The following TAFA1 variants were observed in gnomAD, a reference collection of about 807,000 sequenced individuals.
TAFA1 encodes chemokine-like protein TAFA-1.
TAFA1 carries 4 observed loss-of-function variants against 18.5 expected under a neutral mutation model. The observed-to-expected ratio is 0.22, with a 90% CI of 0.11 to 0.49. The LOEUF (loss-of-function observed/expected upper bound fraction) is 0.49, where lower values mean the gene tolerates loss of function less well. Ranked by LOEUF, TAFA1 falls within the 20% of genes least tolerant of loss-of-function variation. The pLI, the probability that TAFA1 is intolerant of heterozygous loss-of-function variation, is 0.98. For synonymous variants in TAFA1, 56 were observed against 55.2 expected (o/e 1.01, Z -0.06); for missense variants, 147 against 169.0 (o/e 0.87, Z 0.72).
intron 2 of TAFA1, among the ~76,000 whole-genome samples, chr3:68,407,005 G>A (rs1258566205): frequency 6.6e-6 from 1 of 152,102 alleles, no homozygotes; most frequent in Non-Finnish European, 1.5e-5. Flanking sequence ...TCTAGTGGGT[G>A]GGTGTTGAGT....
intron 2 of TAFA1, among the ~76,000 whole-genome samples, chr3:68,273,346 C>T (rs1475138270): frequency 2.0e-5 from 3 of 152,136 alleles, no homozygotes; most frequent in Non-Finnish European, 4.4e-5. Flanking sequence ...AAGGAAGAGG[C>T]CAGATCACAC....
intron 2 of TAFA1, among the ~76,000 whole-genome samples, chr3:68,348,788 A>G (rs188158691): frequency 6.6e-6 from 1 of 152,228 alleles, no homozygotes; most frequent in African/African-American, 2.4e-5. Flanking sequence ...CTCAACATGC[A>G]ATGTAAGAAT....
chr3:68,448,877 C>T (rs2071518971), intron 3 of TAFA1, among the ~76,000 whole-genome samples: 1 of 152,118 alleles, frequency 6.6e-6, no homozygotes, highest in Non-Finnish European at 1.5e-5. Context: ...GTTGGAATGA[C>T]ATTGTGGGCT....
At chr3:68,273,458 C>A (rs1442621215) in intron 2 of TAFA1, among the ~76,000 whole-genome samples, 2 of 152,174 alleles carry the variant, frequency 1.3e-5, no homozygotes, top group African/African-American at 2.4e-5. Flanking sequence ...ATCCTCATAA[C>A]CCCATATGCT....
chr3:68,185,972 T>G (rs1037324697), intron 2 of TAFA1, among the ~76,000 whole-genome samples: 1 of 152,026 alleles, frequency 6.6e-6, no homozygotes, highest in Non-Finnish European at 1.5e-5. Context: ...TAACTCAATG[T>G]TGATTTCATT....
chr3:68,526,441 A>C (rs907740598), intron 3 of TAFA1, among the ~76,000 whole-genome samples: 2 of 152,190 alleles, frequency 1.3e-5, no homozygotes, highest in Non-Finnish European at 2.9e-5. Flanking sequence ...AATTGTGAAC[A>C]CTAGTTTTGC....
chr3:68,164,265 A>AT (rs370933055), intron 2 of TAFA1, among the ~76,000 whole-genome samples: 27 of 152,250 alleles, frequency 1.8e-4, no homozygotes, highest in African/African-American at 6.3e-4. Context: ...TCTGAATGGT[A>AT]TTTTTTCAAA....
intron 2 of TAFA1, among the ~76,000 whole-genome samples, chr3:68,383,906 G>A (rs1010478135): frequency 6.6e-6 from 1 of 152,132 alleles, no homozygotes; most frequent in East Asian, 1.9e-4. Flanking sequence ...TCAGTCTTGG[G>A]AGGATGTATA....
upstream of TAFA1, among the ~76,000 whole-genome samples, chr3:68,003,948 G>A (rs1003783137): frequency 1.3e-5 from 2 of 152,120 alleles, no homozygotes; most frequent in African/African-American, 4.8e-5. Flanking sequence ...AGAACATTAA[G>A]AGGTAAGAAA....
intron 2 of TAFA1, among the ~76,000 whole-genome samples, chr3:68,083,959 T>G (rs1264924194): frequency 6.6e-6 from 1 of 152,198 alleles, no homozygotes; most frequent in Non-Finnish European, 1.5e-5. Context: ...CTGCAAAGAC[T>G]CTTCTTTCCA....
At chr3:68,275,931 G>A (rs1022469391) in intron 2 of TAFA1, among the ~76,000 whole-genome samples, 2 of 152,076 alleles carry the variant, frequency 1.3e-5, no homozygotes, top group Non-Finnish European at 2.9e-5. Flanking sequence ...TTCACTAGAT[G>A]GTAAGTACCT....
chr3:68,493,622 T>G (rs915516473), intron 3 of TAFA1, among the ~76,000 whole-genome samples: 8 of 152,244 alleles, frequency 5.3e-5, no homozygotes. Context: ...GGTTTCAATT[T>G]CTATACATCC....
chr3:68,279,945 G>C (rs1266103644), intron 2 of TAFA1, among the ~76,000 whole-genome samples: 1 of 152,064 alleles, frequency 6.6e-6, no homozygotes, highest in African/African-American at 2.4e-5. Flanking sequence ...TAAGTAATAT[G>C]CTGATTGGAG....
intron 3 of TAFA1, among the ~76,000 whole-genome samples, chr3:68,479,792 A>T (rs897892157): frequency 2.0e-5 from 3 of 152,146 alleles, no homozygotes; most frequent in Non-Finnish European, 4.4e-5. Context: ...TTAAATCAGT[A>T]CAAGGAGTAA....
chr3:68,280,794 A>G (rs887505387), intron 2 of TAFA1, among the ~76,000 whole-genome samples: 2 of 152,202 alleles, frequency 1.3e-5, no homozygotes, highest in Non-Finnish European at 2.9e-5. Context: ...TAGGAATCAC[A>G]TGACAATAAT....
intron 2 of TAFA1, among the ~76,000 whole-genome samples, chr3:68,082,265 A>C (rs577223394): frequency 6.6e-6 from 1 of 152,242 alleles, no homozygotes; most frequent in South Asian, 2.1e-4. Flanking sequence ...TGCAGAAATC[A>C]CCATCTTGTG....
intron 2 of TAFA1, among the ~76,000 whole-genome samples, chr3:68,305,026 C>G (rs2068378032): frequency 6.6e-6 from 1 of 152,046 alleles, no homozygotes; most frequent in Non-Finnish European, 1.5e-5. Context: ...CTAAGTACCA[C>G]AGATTGGGTG....
intron 3 of TAFA1, among the ~76,000 whole-genome samples, chr3:68,494,495 T>G (rs1044913341): frequency 6.6e-6 from 1 of 152,170 alleles, no homozygotes; most frequent in African/African-American, 2.4e-5. Context: ...CCAATCTCCC[T>G]CACAGGCAGG....
At chr3:68,540,447 A>T (rs141698121) in intron 4 of TAFA1, among the ~76,000 whole-genome samples, 1 of 152,334 alleles carries the variant, frequency 6.6e-6, no homozygotes, top group Non-Finnish European at 1.5e-5. Flanking sequence ...GTGGGAAATC[A>T]GGTTTCCCTT....
Sources: gnomAD v4.1 joint callset for allele counts (sites outside exome capture counted in the v4.1 genomes callset) on GRCh38, gnomAD v4.1.1 for gene constraint, MANE v1.5 for transcripts, NCBI Gene and HGNC (gene_info 2026-07-23, HGNC 2026-07-21) for gene names.